Variants in MGAT4C observed in about 807,000 individuals in gnomAD.
The protein encoded by MGAT4C is alpha-1,3-mannosyl-glycoprotein 4-beta-N-acetylglucosaminyltransferase C.
Under a neutral mutation model 40.1 loss-of-function variants are expected in MGAT4C, and 19 were observed. The observed-to-expected ratio is 0.47, with a 90% CI of 0.33 to 0.70. The LOEUF is 0.70. MGAT4C is among the 30% of genes least tolerant of loss of function. The probability of loss-of-function intolerance (pLI) is 0.02; values close to 1 mark genes in which losing one functional copy is unlikely to be tolerated. For synonymous variants in MGAT4C, 181 were observed against 187.1 expected (o/e 0.97, Z 0.27); for missense variants, 491 against 563.2 (o/e 0.87, Z 1.30).
chr12:86,202,783 C>T (rs1950097818), intron 1 of MGAT4C, among the ~76,000 whole-genome samples: 1 of 151,988 alleles, frequency 6.6e-6, no homozygotes, highest in East Asian at 1.9e-4. Flanking sequence ...TTAACCCATT[C>T]AGTGAATTTT....
At chr12:86,131,140 G>A (rs1881116163) in intron 1 of MGAT4C, among the ~76,000 whole-genome samples, 1 of 151,970 alleles carries the variant, frequency 6.6e-6, no homozygotes. Context: ...TACGGCTTTG[G>A]ACAAGTAATT....
At chr12:86,629,080 GAA>G (rs970665761) in intron 2 of MGAT4C, among the ~76,000 whole-genome samples, 2 of 149,218 alleles carry the variant, frequency 1.3e-5, no homozygotes, top group South Asian at 4.3e-4. Flanking sequence ...CAAATGGAAA[GAA>G]AAAAAAACCA....
chr12:86,517,952 TTG>T (rs927181125), intron 2 of MGAT4C, among the ~76,000 whole-genome samples: 2 of 152,060 alleles, frequency 1.3e-5, no homozygotes, highest in African/African-American at 2.4e-5. Flanking sequence ...CCGGCCGACT[TTG>T]TGTTTTTTTA....
rs560203619 is a variant in MGAT4C, at chr12:86,307,448, A to T, written c.-57+26617T>A. Among the ~76,000 whole-genome samples the T allele has an allele frequency of 6.0e-5, 9 of 150,586 alleles. No individual in the cohort carries two copies. In the South Asian group the frequency reaches 1.5e-3, roughly 24 times the overall value. ...GGATGGAGAGATGCATTCCATTTAAAGTGATAATAAGAATTATTACTATCT... is the reference window on the plus strand; with the variant it reads ...GGATGGAGAGATGCATTCCATTTAATGTGATAATAAGAATTATTACTATCT... On this transcript the variant is annotated intron_variant, in intron 4 of 7. Transcript: ENST00000548651.
At chr12:86,667,514 G>A (rs1964142595) in intron 2 of MGAT4C, among the ~76,000 whole-genome samples, 3 of 152,170 alleles carry the variant, frequency 2.0e-5, no homozygotes, top group African/African-American at 7.2e-5. Flanking sequence ...ATTTCAATGT[G>A]TAAATAGCAT....
intron 1 of MGAT4C, among the ~76,000 whole-genome samples, chr12:86,184,950 T>G (rs1888582226): frequency 6.6e-6 from 1 of 152,274 alleles, no homozygotes; most frequent in Non-Finnish European, 1.5e-5. Flanking sequence ...GTTCCCACTC[T>G]GTCTTAACGC....
chr12:86,166,232 A>G (rs1886176040), intron 1 of MGAT4C, among the ~76,000 whole-genome samples: 1 of 152,236 alleles, frequency 6.6e-6, no homozygotes, highest in Non-Finnish European at 1.5e-5. Context: ...CATTTACAAA[A>G]TTATTAAGAT....
At chr12:86,281,340 C>T (rs190119385) in intron 4 of MGAT4C, among the ~76,000 whole-genome samples, 6 of 151,916 alleles carry the variant, frequency 3.9e-5, no homozygotes, top group Admixed American at 3.9e-4. Context: ...TCCCTCATTT[C>T]CTCCCCCTTT....
chr12:86,257,429 T>C (rs1157841282), upstream of MGAT4C, among the ~76,000 whole-genome samples: 3 of 152,200 alleles, frequency 2.0e-5, no homozygotes, highest in Non-Finnish European at 2.9e-5. Flanking sequence ...AGCCCAGCCA[T>C]ATCCCAGGGC....
intron 1 of MGAT4C, among the ~76,000 whole-genome samples, chr12:86,169,434 T>C (rs750490658): frequency 6.6e-6 from 1 of 152,200 alleles, no homozygotes; most frequent in Non-Finnish European, 1.5e-5. Flanking sequence ...TAATCATTTA[T>C]ACTCTTCAAA....
intron 2 of MGAT4C, among the ~76,000 whole-genome samples, chr12:86,565,876 A>T (rs180671237): frequency 3.3e-5 from 5 of 152,286 alleles, no homozygotes; most frequent in Admixed American, 6.5e-5. Context: ...CAAAGTGGCC[A>T]TGGGGGCAGG....
At chr12:86,064,130 A>G (rs947547646) in intron 1 of MGAT4C, among the ~76,000 whole-genome samples, 2 of 152,222 alleles carry the variant, frequency 1.3e-5, no homozygotes, top group Admixed American at 6.5e-5. Context: ...CTTATCCTAA[A>G]ATTGACCACA....
chr12:86,703,077 A>G (rs1316611797), intron 2 of MGAT4C, among the ~76,000 whole-genome samples: 1 of 152,128 alleles, frequency 6.6e-6, no homozygotes, highest in Non-Finnish European at 1.5e-5. Flanking sequence ...TGGATGTGGT[A>G]AAAATGGCAA....
intron 1 of MGAT4C, among the ~76,000 whole-genome samples, chr12:86,776,086 G>C (rs1264026563): frequency 6.6e-6 from 1 of 151,764 alleles, no homozygotes; most frequent in Non-Finnish European, 1.5e-5. Flanking sequence ...TGAGAATTTG[G>C]GACTAATAAT....
At chr12:86,780,223 C>G (rs1394223566) in intron 1 of MGAT4C, among the ~76,000 whole-genome samples, 1 of 152,120 alleles carries the variant, frequency 6.6e-6, no homozygotes, top group Non-Finnish European at 1.5e-5. Context: ...AGCCATGAAT[C>G]TTAGATCTTT....
chr12:86,239,102 T>C (rs1214909334), intron 1 of MGAT4C, among the ~76,000 whole-genome samples: 1 of 152,088 alleles, frequency 6.6e-6, no homozygotes, highest in African/African-American at 2.4e-5. Flanking sequence ...TGTCTTTTAC[T>C]TTTAGGAAAT....
chr12:86,019,514 C>T (rs1024253241), intron 2 of MGAT4C, among the ~76,000 whole-genome samples: 2 of 151,994 alleles, frequency 1.3e-5, no homozygotes, highest in African/African-American at 4.8e-5. Context: ...ATTGGTTAAG[C>T]AATTAATATT....
At chr12:86,430,633 A>T (rs1172138458) in intron 3 of MGAT4C, among the ~76,000 whole-genome samples, 1 of 152,034 alleles carries the variant, frequency 6.6e-6, no homozygotes, top group Non-Finnish European at 1.5e-5. Flanking sequence ...CAGTCACAAG[A>T]TGTGTACTCT....
intron 1 of MGAT4C, among the ~76,000 whole-genome samples, chr12:86,799,609 A>T (rs1231006409): frequency 2.0e-5 from 3 of 151,962 alleles, no homozygotes; most frequent in African/African-American, 7.2e-5. Flanking sequence ...GAAGCTACTT[A>T]ATAGTAAATC....
Sources: gnomAD v4.1 joint callset for allele counts (sites outside exome capture counted in the v4.1 genomes callset) on GRCh38, gnomAD v4.1.1 for gene constraint, MANE v1.5 for transcripts, NCBI Gene and HGNC (gene_info 2026-07-23, HGNC 2026-07-21) for gene names.